ZNF804B: variants seen among roughly 807,000 people sequenced by gnomAD.
ZNF804B encodes zinc finger protein 804B, also known as zinc finger 804B.
A neutral mutation model predicts 101.4 loss-of-function variants in ZNF804B; 80 were observed. That is an observed-to-expected ratio of 0.79 (90% CI 0.66 to 0.95). ZNF804B has a LOEUF of 0.95. Among genes scored for constraint, ZNF804B ranks in the 40% least tolerant of loss-of-function variants. The pLI, the probability that ZNF804B is intolerant of heterozygous loss-of-function variation, is 0.00. For synonymous variants in ZNF804B, 622 were observed against 558.8 expected (o/e 1.11, Z -1.59); for missense variants, 1,673 against 1,561.9 (o/e 1.07, Z -1.20).
At chr7:89,069,769 G>T (rs1436118653) in intron 1 of ZNF804B, among the ~76,000 whole-genome samples, 1 of 152,052 alleles carries the variant, frequency 6.6e-6, no homozygotes, top group Non-Finnish European at 1.5e-5. Flanking sequence ...TAAAAGCCTA[G>T]ATGCTAGAAT....
chr7:88,816,311 T>C (rs13232833), intron 1 of ZNF804B, among the ~76,000 whole-genome samples: 66,096 of 151,928 alleles, frequency 0.44, 15,193 homozygotes, highest in East Asian at 0.81. Context: ...CCATTCAGGA[T>C]ATAGGCATGG....
At chr7:88,921,299 A>G (rs1792715295) in intron 1 of ZNF804B, among the ~76,000 whole-genome samples, 1 of 151,968 alleles carries the variant, frequency 6.6e-6, no homozygotes, top group Non-Finnish European at 1.5e-5. Flanking sequence ...AATAATTTCA[A>G]ACATATAAGC....
In ZNF804B at chr7:89,137,787, A is replaced by T. The variant is rs117844866; in HGVS notation, c.109-80368A>T. Among the ~76,000 whole-genome samples, 12 of 152,230 alleles carry T rather than the reference A, an allele frequency of 7.9e-5. No individual in the cohort carries two copies. In the South Asian group the frequency reaches 8.3e-4, roughly 11 times the overall value. ...GAAGCCTAATGTTAATCACCAAGGC[A>T]ATGGGGAAAATGCCTCCAGGGCATG... On this transcript the variant is annotated intron_variant, in intron 1 of 3. Transcript: ENST00000333190.
At chr7:89,317,794 C>T (rs893656559) in intron 2 of ZNF804B, among the ~76,000 whole-genome samples, 8 of 152,216 alleles carry the variant, frequency 5.3e-5, no homozygotes, top group African/African-American at 1.7e-4. Context: ...AAACTCTCAG[C>T]TGCTCTGCTC....
intron 1 of ZNF804B, among the ~76,000 whole-genome samples, chr7:88,768,095 T>G (rs987328384): frequency 6.6e-6 from 1 of 152,214 alleles, no homozygotes; most frequent in African/African-American, 2.4e-5. Context: ...GTAGAATGAA[T>G]GAACGGAGGT....
chr7:88,788,741 C>T (rs904703482), intron 1 of ZNF804B, among the ~76,000 whole-genome samples: 3 of 152,038 alleles, frequency 2.0e-5, no homozygotes, highest in Non-Finnish European at 2.9e-5. Context: ...TATTTGAAGT[C>T]ATTATCTCTT....
At chr7:88,968,074 TTCA>T (rs1793483121) in intron 1 of ZNF804B, among the ~76,000 whole-genome samples, 1 of 151,456 alleles carries the variant, frequency 6.6e-6, no homozygotes, top group South Asian at 2.1e-4. Context: ...TCAAAAAAAA[TTCA>T]TCAAGAGAGT....
At chr7:89,292,509 A>C (rs1382245004) in intron 2 of ZNF804B, among the ~76,000 whole-genome samples, 1 of 152,096 alleles carries the variant, frequency 6.6e-6, no homozygotes, top group Non-Finnish European at 1.5e-5. Context: ...TTTATAATAC[A>C]GTATTTGCAA....
chr7:89,205,032 C>T (rs769570199), intron 1 of ZNF804B, among the ~76,000 whole-genome samples: 36 of 152,194 alleles, frequency 2.4e-4, no homozygotes, highest in Middle Eastern at 3.4e-3. Context: ...TGACGAAAGG[C>T]GAATGAGGAG....
chr7:88,913,444 G>T (rs920811931), intron 1 of ZNF804B, among the ~76,000 whole-genome samples: 3 of 152,118 alleles, frequency 2.0e-5, no homozygotes, highest in Non-Finnish European at 4.4e-5. Flanking sequence ...GCCCAAGCTG[G>T]AGTGCAGTGG....
At chr7:88,939,235 G>A (rs10258416) in intron 1 of ZNF804B, among the ~76,000 whole-genome samples, 30,542 of 151,688 alleles carry the variant, frequency 0.2, 3,237 homozygotes, top group East Asian at 0.31. Context: ...TGACCTGTGT[G>A]CATCCTCCTT....
chr7:89,163,304 A>G lies in ZNF804B; in HGVS notation c.109-54851A>G, dbSNP rs150148957. 7.1e-4 allele frequency among the ~76,000 whole-genome samples: 108 copies of G among 152,276 alleles called. 1 individual carries two copies. The highest frequency in any genetic ancestry group is 2.3e-3 in the African/African-American group (96 of 41,578). On this transcript the variant is annotated intron_variant, in intron 1 of 3. Coordinates refer to ENST00000333190, the MANE Select transcript of ZNF804B (RefSeq NM_181646.5). The stretch of plus-strand genomic sequence containing the variant: ...AATAAGAGCTTCATGTAAAAGCTTT[A>G]TAGTTAAAGCTCAGTATTTTTTAAC...
At chr7:89,095,974 A>T (rs1011191472) in intron 1 of ZNF804B, among the ~76,000 whole-genome samples, 1 of 151,652 alleles carries the variant, frequency 6.6e-6, no homozygotes, top group Non-Finnish European at 1.5e-5. Context: ...ACATGGTGAA[A>T]CCCCGTCTCT....
chr7:89,055,384 A>T (rs1261965025), intron 1 of ZNF804B, among the ~76,000 whole-genome samples: 7 of 152,136 alleles, frequency 4.6e-5, no homozygotes, highest in African/African-American at 1.7e-4. Context: ...AAACGCTAAG[A>T]TCTGATTTGT....
intron 1 of ZNF804B, among the ~76,000 whole-genome samples, chr7:88,777,640 C>T (rs73198624): frequency 0.17 from 25,151 of 151,866 alleles, 2,179 homozygotes; most frequent in African/African-American, 0.22. Flanking sequence ...GTCAGGAATT[C>T]GAGATCAGCC....
intron 1 of ZNF804B, among the ~76,000 whole-genome samples, chr7:89,182,232 C>T (rs963678541): frequency 6.6e-6 from 1 of 152,108 alleles, no homozygotes; most frequent in South Asian, 2.1e-4. Flanking sequence ...AATTGAGATG[C>T]CATGTAAAAG....
In ZNF804B at chr7:88,859,776, A is replaced by G. The variant is rs1300686647; in HGVS notation, c.108+99692A>G. ...GAAATATAGTGTTATTTAGATATAA[A>G]CTAATATCTATTGTTTAAGCTAATA... On this transcript the variant is annotated intron_variant, in intron 1 of 3. Coordinates refer to ENST00000333190, the MANE Select transcript of ZNF804B (RefSeq NM_181646.5). Among the ~76,000 whole-genome samples the G allele has an allele frequency of 2.0e-5, 3 of 152,076 alleles. No individual in the cohort carries two copies. In the East Asian group the frequency reaches 5.8e-4, roughly 29 times the overall value.
chr7:88,936,885 T>A (rs1395066639), intron 1 of ZNF804B, among the ~76,000 whole-genome samples: 6 of 152,064 alleles, frequency 3.9e-5, no homozygotes, highest in African/African-American at 1.2e-4. Flanking sequence ...CGAAGCACCA[T>A]ACTGTGGAGC....
rs537228474 is a variant in ZNF804B, at chr7:88,884,630, G to A, written c.108+124546G>A. ...TTATATAAATTTCATATTTCAAATA[G>A]CAATTTATATTGCCTATTATATGAC... On this transcript the variant is annotated intron_variant, in intron 1 of 3. Transcript: ENST00000333190. 4.0e-5 allele frequency among the ~76,000 whole-genome samples: 6 copies of A among 151,752 alleles called. No homozygotes were observed. The East Asian group carries it at 9.7e-4, about 24-fold the overall frequency.
Sources: gnomAD v4.1 joint callset for allele counts (sites outside exome capture counted in the v4.1 genomes callset) on GRCh38, gnomAD v4.1.1 for gene constraint, MANE v1.5 for transcripts, NCBI Gene and HGNC (gene_info 2026-07-23, HGNC 2026-07-21) for gene names.